DCC: variants seen among roughly 807,000 people sequenced by gnomAD.
DCC encodes netrin receptor DCC.
In DCC, 58 loss-of-function variants were observed where a neutral mutation model predicts 172.5. The ratio of observed to expected loss-of-function variants is 0.34; its 90% CI spans 0.27 to 0.42. The LOEUF (loss-of-function observed/expected upper bound fraction) is 0.42. Among genes scored for constraint, DCC ranks in the 10% least tolerant of loss-of-function variants. The pLI, the probability that DCC is intolerant of heterozygous loss-of-function variation, is 1.00. For synonymous variants in DCC, 709 were observed against 644.5 expected (o/e 1.10, Z -1.52); for missense variants, 1,740 against 1,791.0 (o/e 0.97, Z 0.51).
chr18:52,915,530 C>A (rs1039981136), intron 3 of DCC, among the ~76,000 whole-genome samples: 2 of 152,050 alleles, frequency 1.3e-5, no homozygotes, highest in African/African-American at 4.8e-5. Flanking sequence ...TATTCTCTTC[C>A]TTTAATACAT....
intron 1 of DCC, among the ~76,000 whole-genome samples, chr18:52,682,805 G>A (rs147078609): frequency 1.1e-3 from 166 of 152,170 alleles, no homozygotes; most frequent in African/African-American, 3.8e-3. Flanking sequence ...AGGATAAGGT[G>A]GTGTGTACAT....
chr18:52,430,915 C>G lies in DCC; in HGVS notation c.91+90037C>G, dbSNP rs144433969. 6.0e-4 allele frequency among the ~76,000 whole-genome samples: 91 copies of G among 152,252 alleles called. No individual in the cohort carries two copies. In the East Asian group the frequency reaches 0.012, roughly 20 times the overall value. ...ACTGTCTATAAAACTTCTTGATCCT[C>G]TTTTAATGCCCAAACCTTTTAGAGG... On this transcript the variant is annotated intron_variant, in intron 1 of 28. Coordinates refer to ENST00000442544, the MANE Select transcript of DCC (RefSeq NM_005215.4).
At chr18:52,566,355 C>T (rs777411197) in intron 1 of DCC, among the ~76,000 whole-genome samples, 6 of 151,850 alleles carry the variant, frequency 4.0e-5, no homozygotes, top group Non-Finnish European at 5.9e-5. Flanking sequence ...TCATCACACG[C>T]CGGGGCCTAT....
chr18:53,330,819 T>C (rs1458806764), intron 14 of DCC, among the ~76,000 whole-genome samples: 1 of 152,244 alleles, frequency 6.6e-6, no homozygotes, highest in Admixed American at 6.5e-5. Flanking sequence ...CTTTCTCTTA[T>C]CTGAGTTTCA....
At chr18:53,508,152 C>CAA (rs1262371067) in intron 27 of DCC, among the ~76,000 whole-genome samples, 1 of 152,000 alleles carries the variant, frequency 6.6e-6, no homozygotes, top group African/African-American at 2.4e-5. Context: ...CTCGGCCTCC[C>CAA]AAAGTGCTGG....
In DCC at chr18:52,520,026, G is replaced by A. The variant is rs566090825; in HGVS notation, c.91+179148G>A. On this transcript the variant is annotated intron_variant, in intron 1 of 28. Coordinates refer to ENST00000442544, the MANE Select transcript of DCC (RefSeq NM_005215.4). The stretch of plus-strand genomic sequence containing the variant: ...GTTATTTTCAAAGAGAAAACAGAAA[G>A]CAGAGGTTTGCAAGTCTGGAGTTAC... 7.9e-5 allele frequency among the ~76,000 whole-genome samples: 12 copies of A among 152,286 alleles called. No individual in the cohort carries two copies. The South Asian group carries it at 2.5e-3, about 32-fold the overall frequency.
chr18:53,092,207 T>C (rs2043023950), intron 7 of DCC, among the ~76,000 whole-genome samples: 1 of 152,150 alleles, frequency 6.6e-6, no homozygotes, highest in Non-Finnish European at 1.5e-5. Flanking sequence ...ATATTATCCA[T>C]TATTAGAGTA....
At chr18:53,225,447 T>G (rs2056012016) in intron 12 of DCC, among the ~76,000 whole-genome samples, 1 of 152,148 alleles carries the variant, frequency 6.6e-6, no homozygotes, top group African/African-American at 2.4e-5. Flanking sequence ...ATGCAATCCT[T>G]TGAGGAGGCA....
intron 5 of DCC, among the ~76,000 whole-genome samples, chr18:53,058,919 A>T (rs138354467): frequency 6.6e-6 from 1 of 152,276 alleles, no homozygotes; most frequent in East Asian, 1.9e-4. Context: ...GGGTGTCTGT[A>T]TTAGTCCATT....
At chr18:52,661,170 G>C (rs1400871535) in intron 1 of DCC, among the ~76,000 whole-genome samples, 1 of 152,206 alleles carries the variant, frequency 6.6e-6, no homozygotes, top group Non-Finnish European at 1.5e-5. Context: ...TGCTGAACAA[G>C]TAAGTGTGGG....
chr18:53,479,383 C>T (rs965361828), intron 25 of DCC, among the ~76,000 whole-genome samples: 4 of 152,046 alleles, frequency 2.6e-5, no homozygotes, highest in East Asian at 3.8e-4. Flanking sequence ...ATGTTTTGTG[C>T]GATGCCATGG....
intron 5 of DCC, among the ~76,000 whole-genome samples, chr18:52,956,613 G>C (rs1448287405): frequency 2.6e-5 from 4 of 151,944 alleles, no homozygotes; most frequent in African/African-American, 9.7e-5. Flanking sequence ...TTTAGACTAA[G>C]TTTGTTGATA....
At chr18:52,599,113 T>C (rs1650118226) in intron 1 of DCC, among the ~76,000 whole-genome samples, 1 of 152,142 alleles carries the variant, frequency 6.6e-6, no homozygotes, top group Non-Finnish European at 1.5e-5. Flanking sequence ...ATCAATTAGG[T>C]AGCAGGGTGA....
intron 12 of DCC, among the ~76,000 whole-genome samples, chr18:53,297,481 C>T (rs1379546515): frequency 6.6e-6 from 1 of 152,174 alleles, no homozygotes; most frequent in African/African-American, 2.4e-5. Context: ...TAATTTCTCC[C>T]TCTCAAGTAA....
intron 5 of DCC, among the ~76,000 whole-genome samples, chr18:52,978,538 A>G (rs560743536): frequency 6.6e-6 from 1 of 152,150 alleles, no homozygotes; most frequent in Non-Finnish European, 1.5e-5. Flanking sequence ...AGAACTCTGG[A>G]AGGTAGCTGT....
At chr18:52,570,913 T>C (rs1290895462) in intron 1 of DCC, among the ~76,000 whole-genome samples, 1 of 152,198 alleles carries the variant, frequency 6.6e-6, no homozygotes, top group Non-Finnish European at 1.5e-5. Flanking sequence ...TAAGACTAAT[T>C]AGTTTTTCTA....
At chr18:53,198,840 T>C (rs988165130) in intron 9 of DCC, among the ~76,000 whole-genome samples, 1 of 152,184 alleles carries the variant, frequency 6.6e-6, no homozygotes, top group Non-Finnish European at 1.5e-5. Flanking sequence ...CTTTCCATTC[T>C]TTGAAGAAAT....
chr18:52,567,436 G>A (rs1354484265), intron 1 of DCC, among the ~76,000 whole-genome samples: 1 of 152,100 alleles, frequency 6.6e-6, no homozygotes, highest in Non-Finnish European at 1.5e-5. Flanking sequence ...TACTGCCATG[G>A]CTGACATCCT....
intron 7 of DCC, among the ~76,000 whole-genome samples, chr18:53,137,216 C>T (rs1242063625): frequency 2.0e-5 from 3 of 152,214 alleles, no homozygotes; most frequent in Non-Finnish European, 4.4e-5. Context: ...AATTTGAGGT[C>T]TCCCCAGGCT....
Sources: allele counts gnomAD v4.1 joint callset (sites outside exome capture counted in the v4.1 genomes callset), GRCh38; gene constraint gnomAD v4.1.1; transcripts MANE v1.5; gene names NCBI Gene and HGNC (gene_info 2026-07-23, HGNC 2026-07-21).